The following TCERG1L variants were observed in gnomAD, a reference collection of about 807,000 sequenced individuals.
The protein encoded by TCERG1L is transcription elongation regulator 1-like protein.
In TCERG1L, 37 loss-of-function variants were observed where a neutral mutation model predicts 56.3. That is an observed-to-expected ratio of 0.66 (90% CI 0.51 to 0.87). The LOEUF (loss-of-function observed/expected upper bound fraction) is 0.87, where lower values mean the gene tolerates loss of function less well. Among genes scored for constraint, TCERG1L ranks in the 40% least tolerant of loss-of-function variants. The pLI, the probability that TCERG1L is intolerant of heterozygous loss-of-function variation, is 0.00. For synonymous variants in TCERG1L, 324 were observed against 326.3 expected (o/e 0.99, Z 0.08); for missense variants, 799 against 774.2 (o/e 1.03, Z -0.38).
rs140403338 is a variant in TCERG1L at position 131,118,120 on chromosome 10, G to T, written c.1260-1186C>A. ...TGGCCCTGCTCCCACACCTGCCCAC[G>T]GCATCAGACCACCCATTTGAGAGCT... On this transcript the variant is annotated intron_variant, in intron 8 of 11. Transcript: ENST00000368642. The surrounding 1 kb of genome is among the most constrained non-coding windows in gnomAD (Gnocchi z 4.2). 5.5e-4 allele frequency among the ~76,000 whole-genome samples: 83 copies of T among 152,270 alleles called. No homozygotes were observed. The highest frequency in any genetic ancestry group is 1.4e-3 in the Admixed American group (22 of 15,286).
intron 4 of TCERG1L, among the ~76,000 whole-genome samples, chr10:131,247,326 C>T (rs1223302476): frequency 6.6e-6 from 1 of 152,182 alleles, no homozygotes; most frequent in East Asian, 1.9e-4. Flanking sequence ...CTTACACATT[C>T]CCCACAGCAA....
At chr10:131,225,510 G>A (rs1341995080) in intron 4 of TCERG1L, among the ~76,000 whole-genome samples, 1 of 152,134 alleles carries the variant, frequency 6.6e-6, no homozygotes, top group Admixed American at 6.5e-5. Flanking sequence ...TGCCTCCGTG[G>A]CATCCACATT....
At chr10:131,250,595 T>C (rs548527832) in intron 4 of TCERG1L, among the ~76,000 whole-genome samples, 35 of 152,216 alleles carry the variant, frequency 2.3e-4, no homozygotes, top group Non-Finnish European at 3.7e-4. Context: ...ATCGCTTGCC[T>C]AGATGTGAGT....
At chr10:131,239,768 G>C (rs1039666880) in intron 4 of TCERG1L, among the ~76,000 whole-genome samples, 5 of 152,224 alleles carry the variant, frequency 3.3e-5, no homozygotes, top group Non-Finnish European at 5.9e-5. Context: ...CGCATAAAGG[G>C]GATCGTATCC....
intron 3 of TCERG1L, among the ~76,000 whole-genome samples, chr10:131,271,314 A>C (rs1846337967): frequency 6.6e-6 from 1 of 152,208 alleles, no homozygotes; most frequent in Admixed American, 6.5e-5. Context: ...CCGGCTCAGC[A>C]CACCCACACG....
chr10:131,170,639 C>T (rs12218891), intron 4 of TCERG1L, among the ~76,000 whole-genome samples: 7 of 152,248 alleles, frequency 4.6e-5, no homozygotes, highest in East Asian at 1.9e-4. Flanking sequence ...AAAACTCCCA[C>T]GCCAGTCAGC....
intron 4 of TCERG1L, among the ~76,000 whole-genome samples, chr10:131,181,541 G>C (rs569336308): frequency 6.6e-6 from 1 of 152,374 alleles, no homozygotes; most frequent in South Asian, 2.1e-4. Flanking sequence ...TCAGTGCCAT[G>C]CACAGGTGTG....
chr10:131,237,617 T>C (rs892066461), intron 4 of TCERG1L, among the ~76,000 whole-genome samples: 7 of 152,184 alleles, frequency 4.6e-5, no homozygotes, highest in Non-Finnish European at 8.8e-5. Context: ...TACAGTATAT[T>C]AAAAGAGTGC....
chr10:131,132,697 T>G (rs1845630936), intron 8 of TCERG1L, among the ~76,000 whole-genome samples: 1 of 152,238 alleles, frequency 6.6e-6, no homozygotes, highest in Admixed American at 6.5e-5. Flanking sequence ...TGCACTGGGC[T>G]CTTTCCTGGA....
chr10:131,251,524 T>C (rs2944503), intron 4 of TCERG1L, among the ~76,000 whole-genome samples: 58,571 of 151,928 alleles, frequency 0.39, 12,500 homozygotes, highest in African/African-American at 0.57. Context: ...CTTTCCTCTT[T>C]ACACCTCAGC....
intron 4 of TCERG1L, among the ~76,000 whole-genome samples, chr10:131,253,274 G>A (rs575209558): frequency 1.3e-5 from 2 of 152,288 alleles, no homozygotes; most frequent in South Asian, 4.1e-4. Flanking sequence ...GCAGAAGAAC[G>A]ACATCCTGGG....
chr10:131,141,303 C>A (rs1051018163), intron 7 of TCERG1L, among the ~76,000 whole-genome samples: 1 of 152,154 alleles, frequency 6.6e-6, no homozygotes, highest in African/African-American at 2.4e-5. Context: ...CAGACTCAAG[C>A]GCACCTTCTT....
intron 4 of TCERG1L, among the ~76,000 whole-genome samples, chr10:131,251,204 C>T (rs567851799): frequency 6.6e-6 from 1 of 152,326 alleles, no homozygotes; most frequent in South Asian, 2.1e-4. Flanking sequence ...GGAGCTCTGC[C>T]GTGGCCCTGA....
chr10:131,267,126 G>A lies in TCERG1L; in HGVS notation c.671-6682C>T, dbSNP rs901012973. Among the ~76,000 whole-genome samples, 6 of 152,196 alleles carry A rather than the reference G, an allele frequency of 3.9e-5. No individual in the cohort carries two copies. Among genetic ancestry groups the A allele is most frequent in the South Asian group, 2.1e-4 (1 of 4,818 alleles). Reference sequence around the variant, plus strand: ...TGCCACCACTCATCATGCCCAGGCCGCTTGCACCCAGGGGTACCCGCAGGC... The same window carrying A: ...TGCCACCACTCATCATGCCCAGGCCACTTGCACCCAGGGGTACCCGCAGGC... On this transcript the variant is annotated intron_variant, in intron 3 of 11. Transcript: ENST00000368642. This position sits in a 1 kb window ranked among gnomAD's most constrained non-coding sequence, Gnocchi z 4.9.
At chr10:131,216,789 A>C (rs1294793497) in intron 4 of TCERG1L, among the ~76,000 whole-genome samples, 2 of 152,184 alleles carry the variant, frequency 1.3e-5, no homozygotes, top group Non-Finnish European at 2.9e-5. Context: ...CAGGCATGGG[A>C]GTGGGGTGCA....
chr10:131,189,164 T>G (rs1179819364), intron 4 of TCERG1L, among the ~76,000 whole-genome samples: 2 of 152,232 alleles, frequency 1.3e-5, no homozygotes, highest in Admixed American at 6.5e-5. Context: ...TGCTTAGATT[T>G]GCCATTTATT....
chr10:131,272,830 C>T (rs1846353424), intron 3 of TCERG1L, among the ~76,000 whole-genome samples: 1 of 152,216 alleles, frequency 6.6e-6, no homozygotes, highest in African/African-American at 2.4e-5. Flanking sequence ...AACACACCAG[C>T]TTCCACGGGA....
intron 4 of TCERG1L, among the ~76,000 whole-genome samples, chr10:131,252,129 T>TA (rs1316865566): frequency 9.9e-5 from 15 of 152,216 alleles, no homozygotes; most frequent in Non-Finnish European, 1.8e-4. Context: ...ACTATATAGA[T>TA]ATGCCACATT....
At chr10:131,232,683 G>A (rs1322829422) in intron 4 of TCERG1L, among the ~76,000 whole-genome samples, 1 of 152,214 alleles carries the variant, frequency 6.6e-6, no homozygotes, top group African/African-American at 2.4e-5. Flanking sequence ...AGCTCAAGTA[G>A]TATTTGGGAT....
Sources: gnomAD v4.1 joint callset for allele counts (sites outside exome capture counted in the v4.1 genomes callset) on GRCh38, gnomAD v4.1.1 for gene constraint, Gnocchi (gnomAD v3.1) non-coding constraint, MANE v1.5 for transcripts, NCBI Gene and HGNC (gene_info 2026-07-23, HGNC 2026-07-21) for gene names.